The following FBXL2 variants were observed in gnomAD, a reference collection of about 807,000 sequenced individuals.
FBXL2 encodes F-box and leucine rich repeat protein 2, also known as F-box/LRR-repeat protein 2.
A neutral mutation model predicts 69.2 loss-of-function variants in FBXL2; 38 were observed. That is an observed-to-expected ratio of 0.55 (90% confidence interval 0.42 to 0.72). The LOEUF (loss-of-function observed/expected upper bound fraction) is 0.72. Among genes scored for constraint, FBXL2 ranks in the 30% least tolerant of loss-of-function variants. The pLI is 0.00. For synonymous variants in FBXL2, 192 were observed against 201.3 expected (o/e 0.95, Z 0.39); for missense variants, 354 against 520.3 (o/e 0.68, Z 3.11).
intron 2 of FBXL2, among the ~76,000 whole-genome samples, chr3:33,315,689 T>G (rs377435924): frequency 1.3e-5 from 2 of 152,212 alleles, no homozygotes; most frequent in Non-Finnish European, 2.9e-5. Context: ...TAAATTTTTC[T>G]AATTCTGATT....
At chr3:33,293,787 C>G (rs747252667) in intron 1 of FBXL2, among the ~76,000 whole-genome samples, 42 of 152,184 alleles carry the variant, frequency 2.8e-4, no homozygotes, top group Non-Finnish European at 5.9e-4. Flanking sequence ...CAGTTGGAGA[C>G]TTCAGTACCA....
At chr3:33,383,841 G>T (rs2043221036) in intron 13 of FBXL2, 148 bp from the exon 14 acceptor site, 5 of 647,486 alleles carry the variant, frequency 7.7e-6, no homozygotes. Flanking sequence ...TGAAGGCTGG[G>T]AAGTCCAGGG....
intron 1 of FBXL2, among the ~76,000 whole-genome samples, chr3:33,277,799 C>T (rs1341881153): frequency 6.6e-6 from 1 of 151,924 alleles, no homozygotes; most frequent in Non-Finnish European, 1.5e-5. Context: ...CGCCGGACGA[C>T]GTGACGCTGT....
chr3:33,414,278 AAG>A, the FBXL2 span: 2 of 152,118 alleles, frequency 1.3e-5, no homozygotes, highest in African/African-American at 2.4e-5. Flanking sequence ...AAGAAAAAGA[AAG>A]AGAGGGAGGA....
chr3:33,379,692 CA>C (rs2042898056), intron 13 of FBXL2, among the ~76,000 whole-genome samples: 1 of 144,140 alleles, frequency 6.9e-6, no homozygotes, highest in African/African-American at 2.6e-5. Context: ...AAAAAAAAAA[CA>C]AAAACAAAAA....
intron 12 of FBXL2, among the ~76,000 whole-genome samples, chr3:33,402,563 C>A (rs950214303): frequency 6.6e-6 from 1 of 152,120 alleles, no homozygotes; most frequent in Non-Finnish European, 1.5e-5. Flanking sequence ...AAAATGGCGC[C>A]TTGTCTACAA....
chr3:33,385,592 G>A lies in FBXL2; in HGVS notation c.1256G>A (p.Cys419Tyr). 1 of 1,614,010 alleles carries A rather than the reference G, an allele frequency of 6.2e-7. No individual in the cohort carries two copies. The highest frequency in any genetic ancestry group is 8.5e-7 in the Non-Finnish European group (1 of 1,179,968). Reference sequence around the variant, plus strand: ...GGAAGTGGACAGCGACTGTGCAGGTGCTGTGTCATTCTCTGACAGCAGCTG... The same window carrying A: ...GGAAGTGGACAGCGACTGTGCAGGTACTGTGTCATTCTCTGACAGCAGCTG... Reference protein sequence around the residue: ...VAGSGQRLCRCCVIL With the variant: ...VAGSGQRLCRYCVIL Residue 419 changes from cysteine (C) to tyrosine (Y), a missense_variant, in exon 15 of 15, where the codon TGC becomes TAC. Cys to Tyr is a radical substitution (Grantham distance 194). Coordinates refer to ENST00000484457, the MANE Select transcript of FBXL2 (RefSeq NM_012157.5).
At chr3:33,393,729 AT>A (rs1426144374) in intron 12 of FBXL2, among the ~76,000 whole-genome samples, 2 of 152,148 alleles carry the variant, frequency 1.3e-5, no homozygotes. Context: ...TGAGGTTTGA[AT>A]TTTTCTTCAT....
intron 12 of FBXL2, chr3:33,393,260 T>C: frequency 2.0e-6 from 3 of 1,513,136 alleles, no homozygotes; most frequent in South Asian, 1.3e-5. Flanking sequence ...TACAATTACA[T>C]GTATAAAAGT....
At chr3:33,326,039 C>T (rs1377166495) in intron 2 of FBXL2, among the ~76,000 whole-genome samples, 1 of 152,068 alleles carries the variant, frequency 6.6e-6, no homozygotes, top group Non-Finnish European at 1.5e-5. Context: ...TTATTAGATT[C>T]CTTTTAAATT....
intron 1 of FBXL2, among the ~76,000 whole-genome samples, chr3:33,295,419 A>G (rs1043196032): frequency 6.6e-5 from 10 of 152,178 alleles, no homozygotes; most frequent in African/African-American, 2.4e-4. Flanking sequence ...TCATTACTTA[A>G]TTCCTTTTTA....
At chr3:33,284,330 G>A (rs1407004004) in intron 1 of FBXL2, among the ~76,000 whole-genome samples, 1 of 152,178 alleles carries the variant, frequency 6.6e-6, no homozygotes, top group Non-Finnish European at 1.5e-5. Flanking sequence ...TCAGGAGCAG[G>A]TTGTTCAGTT....
At chr3:33,365,148 T>G (rs1160832049) in intron 5 of FBXL2, among the ~76,000 whole-genome samples, 1 of 152,226 alleles carries the variant, frequency 6.6e-6, no homozygotes, top group African/African-American at 2.4e-5. Flanking sequence ...TTCAAAAATT[T>G]CCTTGGCATA....
chr3:33,384,707 G>A (rs2043296564), intron 14 of FBXL2, among the ~76,000 whole-genome samples: 1 of 152,066 alleles, frequency 6.6e-6, no homozygotes, highest in Admixed American at 6.5e-5. Flanking sequence ...GGTCTGGGCT[G>A]GAGATTCCAC....
the FBXL2 span, among the ~76,000 whole-genome samples, chr3:33,419,402 G>T: frequency 6.6e-6 from 1 of 151,980 alleles, no homozygotes; most frequent in Non-Finnish European, 1.5e-5. Context: ...GGCTGAGGTG[G>T]GCGGATCACG....
At chr3:33,411,519 T>G in the FBXL2 span, 2 of 1,410,564 alleles carry the variant, frequency 1.4e-6, no homozygotes, top group South Asian at 2.3e-5. Context: ...TATCAAAAAT[T>G]CAATCCTACC....
chr3:33,282,216 T>C (rs2034093313), intron 1 of FBXL2, among the ~76,000 whole-genome samples: 1 of 152,226 alleles, frequency 6.6e-6, no homozygotes, highest in Non-Finnish European at 1.5e-5. Context: ...CTTGAATTAA[T>C]TTTTGTATAA....
At chr3:33,312,375 T>C (rs1175408106) in intron 2 of FBXL2, among the ~76,000 whole-genome samples, 2 of 152,218 alleles carry the variant, frequency 1.3e-5, no homozygotes, top group Non-Finnish European at 2.9e-5. Flanking sequence ...TAATTATTTG[T>C]CAGGCAGTTT....
the FBXL2 span, among the ~76,000 whole-genome samples, chr3:33,413,363 C>T: frequency 6.6e-6 from 1 of 151,180 alleles, no homozygotes; most frequent in African/African-American, 2.4e-5. Context: ...CTGGCTAACA[C>T]GGTGAAACCC....
Sources: gnomAD v4.1 joint callset for allele counts (sites outside exome capture counted in the v4.1 genomes callset) on GRCh38, gnomAD v4.1.1 for gene constraint, MANE v1.5 for transcripts, NCBI Gene and HGNC (gene_info 2026-07-23, HGNC 2026-07-21) for gene names.